DPP10: variants seen among roughly 807,000 people sequenced by gnomAD.
DPP10 encodes the protein dipeptidyl peptidase like 10.
In DPP10, 33 loss-of-function variants were observed where a neutral mutation model predicts 120.9. That is an observed-to-expected ratio of 0.27 (90% confidence interval 0.21 to 0.37). The LOEUF (loss-of-function observed/expected upper bound fraction) is 0.37, where lower values mean the gene tolerates loss of function less well. Ranked by LOEUF, DPP10 falls within the 10% of genes least tolerant of loss-of-function variation. DPP10 has a pLI of 1.00. For missense variants in DPP10, 816 were observed against 942.8 expected (o/e 0.87, Z 1.76); for synonymous variants, 337 against 326.1 (o/e 1.03, Z -0.36).
intron 1 of DPP10, among the ~76,000 whole-genome samples, chr2:115,030,423 G>A (rs183810011): frequency 6.6e-6 from 1 of 152,088 alleles, no homozygotes; most frequent in African/African-American, 2.4e-5. Context: ...GTTTACTTAT[G>A]GTTATTCATT....
At chr2:114,909,601 G>C (rs1332822569) in intron 1 of DPP10, among the ~76,000 whole-genome samples, 5 of 152,044 alleles carry the variant, frequency 3.3e-5, no homozygotes, top group African/African-American at 1.2e-4. Context: ...TCTAGATCCT[G>C]AGTAAAGTAG....
At chr2:114,672,197 C>A (rs770136844) in intron 1 of DPP10, among the ~76,000 whole-genome samples, 2 of 152,150 alleles carry the variant, frequency 1.3e-5, no homozygotes, top group Non-Finnish European at 2.9e-5. Flanking sequence ...AGATCAATTA[C>A]ATGGATGTAG....
chr2:115,177,905 AG>A (rs2053811344), intron 1 of DPP10, among the ~76,000 whole-genome samples: 2 of 152,102 alleles, frequency 1.3e-5, no homozygotes, highest in Non-Finnish European at 2.9e-5. Context: ...CTGGGACTAC[AG>A]GTGCCCGCCA....
intron 1 of DPP10, among the ~76,000 whole-genome samples, chr2:114,789,700 C>G (rs1396341852): frequency 6.6e-6 from 1 of 152,106 alleles, no homozygotes; most frequent in Non-Finnish European, 1.5e-5. Flanking sequence ...AAGTTTCAGC[C>G]TTCTGATAAA....
At chr2:114,561,973 TA>T (rs1014032184) in intron 1 of DPP10, among the ~76,000 whole-genome samples, 13 of 152,246 alleles carry the variant, frequency 8.5e-5, no homozygotes, top group Admixed American at 8.5e-4. Flanking sequence ...ATTTAGCAGT[TA>T]AATAACTTCA....
chr2:114,902,188 A>C (rs1228443718), intron 1 of DPP10, among the ~76,000 whole-genome samples: 1 of 152,102 alleles, frequency 6.6e-6, no homozygotes, highest in Non-Finnish European at 1.5e-5. Flanking sequence ...CATCCACCTT[A>C]TGGTCTATAT....
chr2:115,156,497 T>G (rs1432553766), intron 1 of DPP10, among the ~76,000 whole-genome samples: 1 of 152,188 alleles, frequency 6.6e-6, no homozygotes, highest in Non-Finnish European at 1.5e-5. Flanking sequence ...ATGAAAATCT[T>G]TCCTTCCAAA....
chr2:115,289,015 C>G (rs2060527078), intron 1 of DPP10, among the ~76,000 whole-genome samples: 2 of 152,050 alleles, frequency 1.3e-5, no homozygotes, highest in Admixed American at 1.3e-4. Context: ...TCTCTGTTTG[C>G]CAGTGATATG....
At chr2:114,700,409 T>C (rs1207455639) in intron 1 of DPP10, among the ~76,000 whole-genome samples, 1 of 152,166 alleles carries the variant, frequency 6.6e-6, no homozygotes, top group African/African-American at 2.4e-5. Flanking sequence ...TATGTGTGTA[T>C]GTATATTTTC....
chr2:114,666,911 T>C (rs1419143114), intron 1 of DPP10, among the ~76,000 whole-genome samples: 3 of 152,132 alleles, frequency 2.0e-5, no homozygotes, highest in Admixed American at 6.5e-5. Context: ...CATGACTAGT[T>C]ACTTTTTACT....
chr2:114,600,779 A>G (rs1240477380), intron 1 of DPP10, among the ~76,000 whole-genome samples: 4 of 151,950 alleles, frequency 2.6e-5, no homozygotes, highest in Non-Finnish European at 4.4e-5. Context: ...ACACATGATC[A>G]TGAAAAGCAA....
chr2:115,521,944 T>C (rs1160022484), intron 4 of DPP10, among the ~76,000 whole-genome samples: 1 of 152,194 alleles, frequency 6.6e-6, no homozygotes. Flanking sequence ...TTCCCAAGAA[T>C]TGTTTTTAAG....
intron 1 of DPP10, among the ~76,000 whole-genome samples, chr2:114,619,583 A>T (rs941267647): frequency 9.2e-5 from 14 of 151,928 alleles, no homozygotes; most frequent in Non-Finnish European, 4.4e-5. Flanking sequence ...TTTCCAAAAA[A>T]TTGCTTTTAT....
intron 1 of DPP10, among the ~76,000 whole-genome samples, chr2:115,249,249 T>C (rs2058659085): frequency 6.6e-6 from 1 of 152,140 alleles, no homozygotes; most frequent in Admixed American, 6.5e-5. Context: ...TTAAGCATTA[T>C]AAGGGGTAAA....
chr2:114,476,219 C>A (rs958046214), intron 1 of DPP10, among the ~76,000 whole-genome samples: 29 of 152,270 alleles, frequency 1.9e-4, no homozygotes, highest in African/African-American at 5.8e-4. Context: ...TAATGGATAT[C>A]TATTCATTTA....
intron 3 of DPP10, among the ~76,000 whole-genome samples, chr2:115,361,342 T>C (rs954007531): frequency 6.6e-6 from 1 of 152,080 alleles, no homozygotes; most frequent in Admixed American, 6.6e-5. Context: ...ATACTACCTG[T>C]TCTGCGGGAG....
chr2:115,723,206 G>T lies in DPP10; in HGVS notation c.577-4610G>T, dbSNP rs77884113. Among the ~76,000 whole-genome samples, 21 of 152,294 alleles carry T rather than the reference G, an allele frequency of 1.4e-4. No homozygotes were observed. In the East Asian group the frequency reaches 3.3e-3, roughly 24 times the overall value. ...ATATAGGGGCAGCAGCGGGACTGAC[G>T]ACCAACAGACAACCTCCAATGTTTA... On this transcript the variant is annotated intron_variant, in intron 7 of 25. Transcript: ENST00000410059.
chr2:114,477,415 A>G (rs1680506108), intron 1 of DPP10, among the ~76,000 whole-genome samples: 1 of 152,074 alleles, frequency 6.6e-6, no homozygotes, highest in South Asian at 2.1e-4. Flanking sequence ...ATACACACAC[A>G]TATATACACA....
At position 115,533,010 on chromosome 2, in the gene DPP10, A is replaced by G. The variant is rs1475676595; in HGVS notation, c.441+7038A>G. 2.0e-5 allele frequency among the ~76,000 whole-genome samples: 3 copies of G among 152,022 alleles called. No homozygotes were observed. In the East Asian group the frequency reaches 5.8e-4, roughly 29 times the overall value. ...CGCATTTTTTTAAGGACAAACATGAAGTAAGGAGAAATCAATTTTTTTAAA... is the reference window on the plus strand; with the variant it reads ...CGCATTTTTTTAAGGACAAACATGAGGTAAGGAGAAATCAATTTTTTTAAA... On this transcript the variant is annotated intron_variant, in intron 5 of 25. Coordinates refer to ENST00000410059, the MANE Select transcript of DPP10 (RefSeq NM_020868.6).
Sources: allele counts gnomAD v4.1 joint callset (sites outside exome capture counted in the v4.1 genomes callset), GRCh38; gene constraint gnomAD v4.1.1; transcripts MANE v1.5; gene names NCBI Gene and HGNC (gene_info 2026-07-23, HGNC 2026-07-21).